RAP1GAP: variants seen among roughly 807,000 people sequenced by gnomAD.
The protein encoded by RAP1GAP is RAP1 GTPase activating protein.
RAP1GAP carries 35 observed loss-of-function variants against 87.2 expected under a neutral mutation model. The observed-to-expected ratio is 0.40, with a 90% CI of 0.31 to 0.53. RAP1GAP has a LOEUF of 0.53. RAP1GAP is among the 20% of genes least tolerant of loss of function. The probability of loss-of-function intolerance (pLI) is 0.48; values close to 1 mark genes in which losing one functional copy is unlikely to be tolerated. For missense variants in RAP1GAP, 734 were observed against 898.9 expected (o/e 0.82, Z 2.35); for synonymous variants, 375 against 363.9 (o/e 1.03, Z -0.35).
rs761394243 is a variant in RAP1GAP, at chr1:21,613,633, C to T, written c.469G>A (p.Ala157Thr). 1.9e-6 allele frequency: 3 copies of T among 1,612,336 alleles called. No homozygotes were observed. The highest frequency in any genetic ancestry group is 3.3e-5 in the Admixed American group (2 of 60,032). Residue 157 changes from alanine (A) to threonine (T), a missense_variant, in exon 9 of 25, where the codon GCA becomes ACA. Ala to Thr is a moderately conservative substitution (Grantham distance 58). Coordinates refer to ENST00000374765, the MANE Select transcript of RAP1GAP (RefSeq NM_002885.4). This position sits in a 1 kb window ranked among gnomAD's most constrained non-coding sequence, Gnocchi z 4.7. ...LTEFPNVVQMAKLVCEDVNVD... is the reference protein window; with the variant it reads ...LTEFPNVVQMTKLVCEDVNVD... ...CAGCGGAGCGGAGACCTCACCTTTGCCATCTGGACAACATTAGGGAACTCG... is the reference window on the plus strand; with the variant it reads ...CAGCGGAGCGGAGACCTCACCTTTGTCATCTGGACAACATTAGGGAACTCG...
At chr1:21,604,989 GTGGGTGGA>G (rs1330752363) in intron 18 of RAP1GAP, among the ~76,000 whole-genome samples, 2 of 122,396 alleles carry the variant, frequency 1.6e-5, no homozygotes, top group African/African-American at 6.3e-5. Context: ...AGATGGGTAG[GTGGGTGGA>G]TGGGTGGGTG....
At position 21,651,822 on chromosome 1, in the gene RAP1GAP, T is replaced by G. The variant is rs1191327721; in HGVS notation, c.-148-2026A>C. On this transcript the variant is annotated intron_variant, in intron 1 of 24. Coordinates refer to ENST00000374765, the MANE Select transcript of RAP1GAP (RefSeq NM_002885.4). The stretch of plus-strand genomic sequence containing the variant: ...GTGAAGCTGCGCTTCCGGCCGCTCA[T>G]GGTGCCGCCGCCGCCGCCCGGCCCG... 19 of 1,252,408 alleles carry G rather than the reference T, an allele frequency of 1.5e-5. No individual in the cohort carries two copies. The Admixed American group carries it at 2.1e-4, about 14-fold the overall frequency. 77.6% of individuals were successfully genotyped at this position (1,252,408 alleles called of 1,614,324 possible).
intron 10 of RAP1GAP, among the ~76,000 whole-genome samples, chr1:21,612,581 G>C (rs2079080111): frequency 6.6e-6 from 1 of 152,086 alleles, no homozygotes. Context: ...AAGCAGGAGG[G>C]GGGCCCTGAT....
At chr1:21,627,718 G>A (rs543096016) in intron 2 of RAP1GAP, among the ~76,000 whole-genome samples, 2 of 152,154 alleles carry the variant, frequency 1.3e-5, no homozygotes, top group Admixed American at 1.3e-4. Flanking sequence ...CCCAGTCTGA[G>A]CCTCCCTTCT....
intron 3 of RAP1GAP, among the ~76,000 whole-genome samples, 161 bp from the exon 4 acceptor site, chr1:21,620,211 C>G (rs1036891807): frequency 1.3e-5 from 2 of 152,176 alleles, no homozygotes; most frequent in Admixed American, 6.5e-5. Context: ...GGAGGGGGTT[C>G]TGTGTGGGAG....
intron 2 of RAP1GAP, among the ~76,000 whole-genome samples, chr1:21,645,411 T>C (rs1275650339): frequency 6.6e-6 from 1 of 151,824 alleles, no homozygotes; most frequent in Non-Finnish European, 1.5e-5. Flanking sequence ...GCCCAGGAGG[T>C]CGAGGCTGTA....
At position 21,660,353 on chromosome 1, in the gene RAP1GAP, T is replaced by TATATATATATATATATATATATATAGA; in HGVS notation, c.-149+8900_-149+8901insTCTATATATATATATATATATATATAT. On this transcript the variant is annotated intron_variant, in intron 1 of 24. Coordinates refer to ENST00000374765, the MANE Select transcript of RAP1GAP (RefSeq NM_002885.4). The stretch of plus-strand genomic sequence containing the variant: ...TTCCAACTCAGCTATATATATTTAT[T>TATATATATATATATATATATATATAGA]GAGACAGTCTCGCTCTGTCACCCAG... Among the ~76,000 whole-genome samples, 4 of 26,838 alleles carry TATATATATATATATATATATATATAGA rather than the reference T, an allele frequency of 1.5e-4. 1 individual carries two copies. The highest frequency in any genetic ancestry group is 3.4e-4 in the Non-Finnish European group (4 of 11,844). 17.6% of individuals were successfully genotyped at this position (26,838 alleles called of 152,430 possible).
chr1:21,606,038 G>A (rs772501417), intron 18 of RAP1GAP, 28 bp downstream of exon 18: 11 of 1,561,228 alleles, frequency 7.0e-6, no homozygotes, highest in South Asian at 4.7e-5. Context: ...GGGAGGGGCC[G>A]GGGCCTGGGG....
chr1:21,616,995 A>C (rs1307179473), intron 7 of RAP1GAP, among the ~76,000 whole-genome samples: 1 of 152,244 alleles, frequency 6.6e-6, no homozygotes, highest in African/African-American at 2.4e-5. Context: ...TGAGGCACAG[A>C]GAAGTTAAGC....
chr1:21,601,623 G>A (rs1398002706), intron 20 of RAP1GAP, 61 bp downstream of exon 20: 21 of 1,322,088 alleles, frequency 1.6e-5, no homozygotes, highest in Non-Finnish European at 2.2e-5. Flanking sequence ...CCCAGGCAGG[G>A]GAGGGGAAGG....
In RAP1GAP at chr1:21,601,689, C is replaced by T. The variant is rs980196706; in HGVS notation, c.1647G>A (p.Lys549=). The T allele has an allele frequency of 1.9e-6, 3 of 1,605,270 alleles. No homozygotes were observed. Among genetic ancestry groups the T allele is most frequent in the Non-Finnish European group, 2.6e-6 (3 of 1,174,394 alleles). The change falls in exon 20 of 25, where the codon AAG becomes AAA. Residue 549 remains lysine (K), a synonymous_variant. Transcript: ENST00000374765. ...TQSSPEMPTT[K]NRAETAAQRA... is the part of the protein sequence containing the mutation. Reference sequence around the variant, plus strand: ...CACGTGCCCTGAGCCCCAACCTGTTCTTGGTCGTGGGCATCTCTGGGGAGC... The same window carrying T: ...CACGTGCCCTGAGCCCCAACCTGTTTTTGGTCGTGGGCATCTCTGGGGAGC...
intron 1 of RAP1GAP, among the ~76,000 whole-genome samples, chr1:21,652,054 C>T (rs1015761453): frequency 6.6e-6 from 1 of 151,622 alleles, no homozygotes; most frequent in African/African-American, 2.4e-5. Flanking sequence ...CCGAGCCGGG[C>T]CCAGCCGGGC....
intron 1 of RAP1GAP, among the ~76,000 whole-genome samples, chr1:21,666,168 C>T (rs997562829): frequency 2.0e-5 from 3 of 152,178 alleles, no homozygotes; most frequent in Admixed American, 2.0e-4. Flanking sequence ...CACCTAAGCC[C>T]ACAGAAGCAC....
intron 2 of RAP1GAP, among the ~76,000 whole-genome samples, chr1:21,635,278 T>C (rs763696447): frequency 4.6e-5 from 7 of 152,158 alleles, no homozygotes; most frequent in Non-Finnish European, 7.4e-5. Context: ...ATTGACCTCA[T>C]TGTCCCTCCC....
chr1:21,610,600 G>A (rs1433293355), intron 13 of RAP1GAP, among the ~76,000 whole-genome samples: 1 of 152,078 alleles, frequency 6.6e-6, no homozygotes, highest in Non-Finnish European at 1.5e-5. Context: ...GTTTTCTTGG[G>A]ATGCTGTGGC....
intron 20 of RAP1GAP, among the ~76,000 whole-genome samples, chr1:21,600,897 A>AAAAAAAAAAAAAC (rs2067773793): frequency 6.7e-6 from 1 of 150,094 alleles, no homozygotes; most frequent in Non-Finnish European, 1.5e-5. Context: ...AAAAAAAAAA[A>AAAAAAAAAAAAAC]AAGTCAAAGC....
chr1:21,622,524 C>A lies in RAP1GAP; in HGVS notation c.-18-2474G>T. ...GCCCCGCAGCGCTGAGCTCCGCGCTCCCGGCTCCCGGCGGCGGCGCTGCCT... is the reference window on the plus strand; with the variant it reads ...GCCCCGCAGCGCTGAGCTCCGCGCTACCGGCTCCCGGCGGCGGCGCTGCCT... On this transcript the variant is annotated intron_variant, in intron 3 of 24. Transcript: ENST00000374765. This position sits in a 1 kb window ranked among gnomAD's most constrained non-coding sequence, Gnocchi z 5.7. The A allele has an allele frequency of 6.7e-6, 1 of 149,276 alleles. No individual in the cohort carries two copies. The highest frequency in any genetic ancestry group is 2.0e-4 in the South Asian group (1 of 4,886). 9.2% of individuals were successfully genotyped at this position (149,276 alleles called of 1,614,324 possible).
At position 21,609,040 on chromosome 1, in the gene RAP1GAP, C is replaced by T; in HGVS notation, c.1072-104G>A. On this transcript the variant is annotated intron_variant, in intron 15 of 24. Transcript: ENST00000374765. This position sits in a 1 kb window ranked among gnomAD's most constrained non-coding sequence, Gnocchi z 4.4. ...CAGAGGCTGCAGCTCCTGAACCATG[C>T]TCTGCTGGGGCCTGGGGTCACCCTC... 1.0e-6 allele frequency: 1 copy of T among 974,048 alleles called. No individual in the cohort carries two copies. Among genetic ancestry groups the T allele is most frequent in the East Asian group, 2.4e-5 (1 of 41,058 alleles). 60.3% of individuals were successfully genotyped at this position (974,048 alleles called of 1,614,324 possible).
chr1:21,633,610 C>G (rs1304814455), intron 2 of RAP1GAP, among the ~76,000 whole-genome samples: 1 of 151,940 alleles, frequency 6.6e-6, no homozygotes, highest in Non-Finnish European at 1.5e-5. Flanking sequence ...CCACCCACTG[C>G]ACACAGGCTG....
Sources: gnomAD v4.1 joint callset for allele counts (sites outside exome capture counted in the v4.1 genomes callset) on GRCh38, gnomAD v4.1.1 for gene constraint, Gnocchi (gnomAD v3.1) non-coding constraint, MANE v1.5 for transcripts, NCBI Gene and HGNC (gene_info 2026-07-23, HGNC 2026-07-21) for gene names.